UBN1: variants seen among roughly 807,000 people sequenced by gnomAD.
The protein encoded by UBN1 is ubinuclein-1.
Under a neutral mutation model 108.5 loss-of-function variants are expected in UBN1, and 17 were observed. That is an observed-to-expected ratio of 0.16 (90% CI 0.11 to 0.24). The LOEUF is 0.24. UBN1 is among the 10% of genes least tolerant of loss of function. UBN1 has a pLI of 1.00. For missense variants in UBN1, 1,595 were observed against 1,394.4 expected (o/e 1.14, Z -2.29); for synonymous variants, 726 against 564.2 (o/e 1.29, Z -4.07).
At chr16:4,860,545 G>C in intron 6 of UBN1, 119 bp from the exon 7 acceptor site, 1 of 1,033,942 alleles carries the variant, frequency 9.7e-7, no homozygotes, top group Non-Finnish European at 1.4e-6. Context: ...AGGAATGACA[G>C]GGTGGACTGT....
chr16:4,876,922 C>G lies in UBN1; in HGVS notation c.3076C>G (p.Pro1026Ala). 4 of 1,613,934 alleles carry G rather than the reference C, an allele frequency of 2.5e-6. No individual in the cohort carries two copies. Among genetic ancestry groups the G allele is most frequent in the Non-Finnish European group, 3.4e-6 (4 of 1,179,898 alleles). Residue 1026 changes from proline (P) to alanine (A), a missense_variant, in exon 16 of 18, where the codon CCC becomes GCC. Pro to Ala is a conservative substitution (Grantham distance 27). Transcript: ENST00000262376. Reference protein sequence around the residue: ...LLAGSSLMASPYKSSSPKLSG... With the variant: ...LLAGSSLMASAYKSSSPKLSG... Reference sequence around the variant, plus strand: ...GGCCGGCTCCTCTTTGATGGCTTCACCCTACAAATCCAGCAGCCCAAAGCT... The same window carrying G: ...GGCCGGCTCCTCTTTGATGGCTTCAGCCTACAAATCCAGCAGCCCAAAGCT...
intron 7 of UBN1, 25 bp from the exon 8 acceptor site, chr16:4,868,808 G>A: frequency 6.2e-7 from 1 of 1,612,448 alleles, no homozygotes; most frequent in Non-Finnish European, 8.5e-7. Flanking sequence ...TGCACTAACG[G>A]CTGTTACTGT....
rs1175374881 is a variant in UBN1, at chr16:4,859,899, A to G, written c.602A>G (p.Lys201Arg). The G allele has an allele frequency of 1.2e-6, 2 of 1,614,178 alleles. No individual in the cohort carries two copies. Among genetic ancestry groups the G allele is most frequent in the Admixed American group, 1.7e-5 (1 of 60,028 alleles). ...TTGAAGGAAGGTGGTGAGAAGATAA[A>G]GAAGAAGAAAAAAGATGACACTTAT... is the stretch of plus-strand genomic sequence containing the variant. Reference protein sequence around the residue: ...RKLKEGGEKIKKKKKDDTYDK... With the variant: ...RKLKEGGEKIRKKKKDDTYDK... Residue 201 changes from lysine to arginine, a missense_variant, in exon 6 of 18, where the codon AAG (lysine) becomes AGG (arginine). Coordinates refer to ENST00000262376, the MANE Select transcript of UBN1 (RefSeq NM_001079514.3).
At chr16:4,880,037 G>C in intron 17 of UBN1, 46 bp from the exon 18 acceptor site, 1 of 1,607,928 alleles carries the variant, frequency 6.2e-7, no homozygotes, top group Non-Finnish European at 8.5e-7. Context: ...AAGGAAATCA[G>C]AGAGCATGAA....
intron 7 of UBN1, 123 bp from the exon 8 acceptor site, chr16:4,868,710 G>C: frequency 1.2e-6 from 1 of 831,178 alleles, no homozygotes; most frequent in African/African-American, 1.7e-5. Context: ...GAGTTGGAAA[G>C]GTGGCGGTGT....
intron 7 of UBN1, among the ~76,000 whole-genome samples, chr16:4,863,085 T>C (rs928292381): frequency 5.3e-5 from 8 of 152,244 alleles, no homozygotes; most frequent in Non-Finnish European, 1.5e-5. Flanking sequence ...ATGGAAATTA[T>C]CCATCCGGCC....
At chr16:4,848,610 G>C (rs547698317) in intron 1 of UBN1, among the ~76,000 whole-genome samples, 1 of 152,298 alleles carries the variant, frequency 6.6e-6, no homozygotes, top group Non-Finnish European at 1.5e-5. Context: ...GATTTTTCTT[G>C]GGAGATCAGT....
intron 8 of UBN1, among the ~76,000 whole-genome samples, chr16:4,869,827 G>A (rs967706617): frequency 1.3e-5 from 2 of 152,106 alleles, no homozygotes; most frequent in Admixed American, 6.5e-5. Context: ...GATAAACGTG[G>A]GGACTGGGGG....
At chr16:4,871,866 G>T (rs757798625) in intron 12 of UBN1, among the ~76,000 whole-genome samples, 1 of 152,136 alleles carries the variant, frequency 6.6e-6, no homozygotes, top group African/African-American at 2.4e-5. Flanking sequence ...GATTACAGGC[G>T]TGAGCCACCA....
In UBN1 at chr16:4,874,726, C is replaced by T. The variant is rs143929960; in HGVS notation, c.2316C>T (p.Gly772=). 5.6e-6 allele frequency: 9 copies of T among 1,613,970 alleles called. No homozygotes were observed. The highest frequency in any genetic ancestry group is 2.5e-6 in the Non-Finnish European group (3 of 1,180,038). ...CCTGCCAGGCTCCCCTCAATAAGGG[C>T]CTGCCAGAAGTACATCAGTCCAAAG... is the stretch of plus-strand genomic sequence containing the variant. ...ELSCQAPLNK[G]LPEVHQSKAK... Residue 772 remains glycine, a synonymous_variant, in exon 15 of 18, where the codon GGC becomes GGT. Coordinates refer to ENST00000262376, the MANE Select transcript of UBN1 (RefSeq NM_001079514.3).
intron 2 of UBN1, among the ~76,000 whole-genome samples, chr16:4,855,669 C>T: frequency 6.6e-6 from 1 of 151,508 alleles, no homozygotes; most frequent in Non-Finnish European, 1.5e-5. Flanking sequence ...CTGTAATCCC[C>T]ACACTTTGGG....
At chr16:4,853,676 A>T (rs1415935108) in intron 2 of UBN1, among the ~76,000 whole-genome samples, 1 of 150,986 alleles carries the variant, frequency 6.6e-6, no homozygotes, top group Non-Finnish European at 1.5e-5. Context: ...TCCTGCCTCA[A>T]CCTCCCGAGT....
intron 2 of UBN1, among the ~76,000 whole-genome samples, chr16:4,855,880 C>G (rs2086785825): frequency 6.6e-6 from 1 of 152,182 alleles, no homozygotes; most frequent in South Asian, 2.1e-4. Context: ...GATCATGCCA[C>G]TGTACTCCAG....
intron 12 of UBN1, among the ~76,000 whole-genome samples, chr16:4,871,688 G>A (rs1038429998): frequency 2.0e-4 from 29 of 141,862 alleles, no homozygotes; most frequent in African/African-American, 7.1e-4. Context: ...CCAGGTTCAC[G>A]CCGTTCTCCT....
rs759574746 is a variant in UBN1 at position 4,875,352 on chromosome 16, C to T, written c.2942C>T (p.Thr981Ile). ...CCAAACGGAGATTCCAGTGGTGGGA[C>T]CCAGGGAGTGGCAAAGTTGCTGACC... ...GGPNGDSSGG[T>I]QGVAKLLTSP... Residue 981 changes from threonine (T) to isoleucine (I), a missense_variant, in exon 15 of 18, where the codon ACC becomes ATC. By Grantham distance (89) the Thr-to-Ile change is moderately conservative (BLOSUM62 -1). Coordinates refer to ENST00000262376, the MANE Select transcript of UBN1 (RefSeq NM_001079514.3). The T allele has an allele frequency of 2.5e-6, 4 of 1,614,094 alleles. No homozygotes were observed. The highest frequency in any genetic ancestry group is 1.7e-5 in the Admixed American group (1 of 60,012).
intron 12 of UBN1, 41 bp from the exon 13 acceptor site, chr16:4,872,843 T>C (rs1302106756): frequency 3.1e-6 from 5 of 1,612,678 alleles, no homozygotes; most frequent in Non-Finnish European, 4.2e-6. Context: ...GTCCCAGCTT[T>C]CTGGGGCATG....
chr16:4,854,491 C>A (rs2142128388), intron 2 of UBN1, among the ~76,000 whole-genome samples: 1 of 151,082 alleles, frequency 6.6e-6, no homozygotes, highest in Non-Finnish European at 1.5e-5. Flanking sequence ...TTACGGGTGC[C>A]AGCCACCACG....
chr16:4,870,129 C>T, intron 8 of UBN1, 83 bp from the exon 9 acceptor site: 1 of 1,585,122 alleles, frequency 6.3e-7, no homozygotes, highest in Non-Finnish European at 8.6e-7. Flanking sequence ...TGGCTCCTAG[C>T]TTTCCTCTCC....
At chr16:4,852,737 C>T in intron 1 of UBN1, 142 bp from the exon 2 acceptor site, 1 of 899,460 alleles carries the variant, frequency 1.1e-6, no homozygotes, top group Non-Finnish European at 1.6e-6. Context: ...GATGAATAAG[C>T]AGAAAAAAAC....
Sources: allele counts gnomAD v4.1 joint callset (sites outside exome capture counted in the v4.1 genomes callset), GRCh38; gene constraint gnomAD v4.1.1; transcripts MANE v1.5; gene names NCBI Gene and HGNC (gene_info 2026-07-23, HGNC 2026-07-21).